The following GRM8 variants were observed in gnomAD, a reference collection of about 807,000 sequenced individuals.
GRM8 encodes glutamate metabotropic receptor 8.
In GRM8, 47 loss-of-function variants were observed where a neutral mutation model predicts 87.2. The observed-to-expected ratio is 0.54, with a 90% CI of 0.43 to 0.69. GRM8 has a LOEUF of 0.69. Among genes scored for constraint, GRM8 ranks in the 30% least tolerant of loss-of-function variants. The pLI, the probability that GRM8 is intolerant of heterozygous loss-of-function variation, is 0.00. For missense variants in GRM8, 1,019 were observed against 1,139.2 expected, an observed-to-expected ratio of 0.89 and a Z score of 1.52; for synonymous variants, 396 against 404.5, an observed-to-expected ratio of 0.98 and a Z score of 0.25.
chr7:126,948,442 C>A lies in GRM8; in HGVS notation c.728-43759G>T, dbSNP rs547230113. On this transcript the variant is annotated intron_variant, in intron 3 of 10. Transcript: ENST00000339582. Reference sequence around the variant, plus strand: ...GCTGGATATGCTTCCATCTAGGATGCAGGCTGGGAATGTCAGGAGGCATAA... The same window carrying A: ...GCTGGATATGCTTCCATCTAGGATGAAGGCTGGGAATGTCAGGAGGCATAA... Among the ~76,000 whole-genome samples the A allele has an allele frequency of 9.5e-5, 14 of 147,428 alleles. No homozygotes were observed. The East Asian group carries it at 2.0e-3, about 21-fold the overall frequency.
rs112748675 is a variant in GRM8, at chr7:126,861,560, G to A, written c.1156+40982C>T. Among the ~76,000 whole-genome samples the A allele has an allele frequency of 2.6e-5, 4 of 151,630 alleles. No homozygotes were observed. In the South Asian group the frequency reaches 6.2e-4, roughly 24 times the overall value. ...CTATAACTTCTCCCATATTTGGTAC[G>A]GCCAGATATTTTCATTTTTTTTTCT... is the stretch of plus-strand genomic sequence containing the variant. On this transcript the variant is annotated intron_variant, in intron 6 of 10. Coordinates refer to ENST00000339582, the MANE Select transcript of GRM8 (RefSeq NM_000845.3).
intron 8 of GRM8, among the ~76,000 whole-genome samples, chr7:126,605,925 T>C (rs1161343561): frequency 6.6e-6 from 1 of 152,166 alleles, no homozygotes; most frequent in Non-Finnish European, 1.5e-5. Flanking sequence ...AGTGTTTGTC[T>C]CTCCTTCTAA....
At chr7:127,138,365 C>T (rs1378552828) in intron 2 of GRM8, among the ~76,000 whole-genome samples, 1 of 152,074 alleles carries the variant, frequency 6.6e-6, no homozygotes. Flanking sequence ...ATCTGCAGAA[C>T]CTTTCCATTC....
intron 9 of GRM8, among the ~76,000 whole-genome samples, chr7:126,505,668 T>G (rs1461302653): frequency 2.6e-5 from 4 of 152,080 alleles, no homozygotes; most frequent in African/African-American, 9.7e-5. Flanking sequence ...TTTAGAAGTT[T>G]TAATCTGCTT....
intron 6 of GRM8, among the ~76,000 whole-genome samples, chr7:126,875,619 A>G (rs1433902778): frequency 1.3e-5 from 2 of 152,202 alleles, no homozygotes; most frequent in Non-Finnish European, 2.9e-5. Context: ...CATTGAGACA[A>G]TATTAATAAA....
At chr7:126,613,513 C>T (rs553853973) in intron 7 of GRM8, among the ~76,000 whole-genome samples, 9 of 152,260 alleles carry the variant, frequency 5.9e-5, no homozygotes, top group Admixed American at 3.9e-4. Flanking sequence ...CTCACTGGGG[C>T]TTGTCGGACA....
chr7:126,755,138 CATT>C (rs71878257), intron 7 of GRM8, among the ~76,000 whole-genome samples: 3,243 of 152,066 alleles, frequency 0.021, 122 homozygotes, highest in African/African-American at 0.074. Context: ...ATAAAAATCT[CATT>C]TTTTTAAACA....
At chr7:126,599,246 T>A (rs1797503816) in intron 8 of GRM8, among the ~76,000 whole-genome samples, 1 of 152,118 alleles carries the variant, frequency 6.6e-6, no homozygotes, top group Non-Finnish European at 1.5e-5. Context: ...GTGTGTAACT[T>A]TGGACTTTCC....
intron 2 of GRM8, among the ~76,000 whole-genome samples, chr7:127,121,394 G>A (rs1827076762): frequency 6.6e-6 from 1 of 152,132 alleles, no homozygotes; most frequent in South Asian, 2.1e-4. Flanking sequence ...CTCTGGTAGT[G>A]CCTGAGAACC....
At chr7:127,230,083 G>T (rs969794914) in intron 2 of GRM8, among the ~76,000 whole-genome samples, 4 of 152,006 alleles carry the variant, frequency 2.6e-5, no homozygotes, top group Admixed American at 2.6e-4. Flanking sequence ...TGGGGGGAGG[G>T]ATTCTCCTAG....
At chr7:126,553,307 G>A (rs1289529429) in intron 8 of GRM8, among the ~76,000 whole-genome samples, 3 of 152,078 alleles carry the variant, frequency 2.0e-5, no homozygotes, top group African/African-American at 4.8e-5. Context: ...AAAATGTACA[G>A]CTCTGGTGTA....
chr7:126,621,041 A>G (rs553599603), intron 7 of GRM8, among the ~76,000 whole-genome samples: 1 of 152,182 alleles, frequency 6.6e-6, no homozygotes, highest in Non-Finnish European at 1.5e-5. Context: ...AATTTTTAGC[A>G]CCCTTAAATA....
chr7:126,766,652 TATA>T (rs1563166799), intron 7 of GRM8, among the ~76,000 whole-genome samples: 1 of 152,116 alleles, frequency 6.6e-6, no homozygotes, highest in Non-Finnish European at 1.5e-5. Flanking sequence ...CCTTCTAATA[TATA>T]ATGTTTTTTG....
At chr7:126,754,049 CA>C (rs1816737015) in intron 7 of GRM8, among the ~76,000 whole-genome samples, 1 of 151,778 alleles carries the variant, frequency 6.6e-6, no homozygotes, top group African/African-American at 2.4e-5. Flanking sequence ...TGGCATTTAA[CA>C]GTTTTTTTTC....
chr7:126,851,102 C>T (rs939146917), intron 6 of GRM8, among the ~76,000 whole-genome samples: 1 of 152,164 alleles, frequency 6.6e-6, no homozygotes, highest in Non-Finnish European at 1.5e-5. Flanking sequence ...TTGGGGTACA[C>T]TTCCCCATCT....
In GRM8 at chr7:126,478,985, G is replaced by A. The variant is rs550645687; in HGVS notation, c.2431-32613C>T. On this transcript the variant is annotated intron_variant, in intron 9 of 10. Coordinates refer to ENST00000339582, the MANE Select transcript of GRM8 (RefSeq NM_000845.3). ...TTCAAAAGAGGGGTAGGTGGTAATG[G>A]GCTAGATATTTTCACATATTTCTCA... is the stretch of plus-strand genomic sequence containing the variant. Among the ~76,000 whole-genome samples, 24 of 152,010 alleles carry A rather than the reference G, an allele frequency of 1.6e-4. 1 individual carries two copies. The highest frequency in any genetic ancestry group is 5.5e-4 in the African/African-American group (23 of 41,498).
At chr7:127,139,022 G>A (rs1320108383) in intron 2 of GRM8, among the ~76,000 whole-genome samples, 3 of 151,998 alleles carry the variant, frequency 2.0e-5, no homozygotes, top group East Asian at 1.9e-4. Context: ...AGATATATGC[G>A]ACATGCCCAA....
chr7:126,508,086 T>C (rs950285460), intron 9 of GRM8, among the ~76,000 whole-genome samples: 2 of 151,862 alleles, frequency 1.3e-5, no homozygotes, highest in Non-Finnish European at 2.9e-5. Context: ...TATTCATTAA[T>C]TATGATTGAA....
At chr7:126,696,319 C>T (rs760523790) in intron 7 of GRM8, among the ~76,000 whole-genome samples, 5 of 152,138 alleles carry the variant, frequency 3.3e-5, no homozygotes, top group Non-Finnish European at 5.9e-5. Context: ...CACCTATCAA[C>T]CCATCACCTA....
Sources: gnomAD v4.1 joint callset for allele counts (sites outside exome capture counted in the v4.1 genomes callset) on GRCh38, gnomAD v4.1.1 for gene constraint, MANE v1.5 for transcripts, NCBI Gene and HGNC (gene_info 2026-07-23, HGNC 2026-07-21) for gene names.